Variants in NLRP11 observed in about 807,000 individuals in gnomAD.
NLRP11 encodes NACHT, LRR and PYD domains-containing protein 11.
Under a neutral mutation model 79.3 loss-of-function variants are expected in NLRP11, and 53 were observed. The ratio of observed to expected loss-of-function variants is 0.67; its 90% CI spans 0.54 to 0.84. NLRP11 has a LOEUF of 0.84. Ranked by LOEUF, NLRP11 falls within the 40% of genes least tolerant of loss-of-function variation. The pLI, the probability that NLRP11 is intolerant of heterozygous loss-of-function variation, is 0.00. For synonymous variants in NLRP11, 518 were observed against 462.6 expected (o/e 1.12, Z -1.54); for missense variants, 1,264 against 1,255.0 (o/e 1.01, Z -0.11).
chr19:55,835,974 A>G (rs1183492696), upstream of NLRP11, among the ~76,000 whole-genome samples: 1 of 152,236 alleles, frequency 6.6e-6, no homozygotes, highest in Non-Finnish European at 1.5e-5. Context: ...AAATACAAAA[A>G]TTAGCCGGGC....
rs769388626 is a variant in NLRP11, at chr19:55,809,902, G to A, written c.708C>T (p.Phe236=). 150 of 1,613,884 alleles carry A rather than the reference G, an allele frequency of 9.3e-5. No homozygotes were observed. The East Asian group carries it at 1.8e-3, about 19-fold the overall frequency. The change falls in exon 3 of 10, where the codon TTC becomes TTT. Residue 236 remains phenylalanine, a synonymous_variant. Transcript: ENST00000589093. The surrounding 1 kb of genome is among the most constrained non-coding windows in gnomAD (Gnocchi z 4.5). Reference sequence around the variant, plus strand: ...AAGCACTTTCATTGACATTTAACTCGAATCTTATGTTGTCCAAGTCCTCGA... The same window carrying A: ...AAGCACTTTCATTGACATTTAACTCAAATCTTATGTTGTCCAAGTCCTCGA...
chr19:55,831,028 C>G (rs1241968422), intron 1 of NLRP11, among the ~76,000 whole-genome samples: 1 of 151,502 alleles, frequency 6.6e-6, no homozygotes, highest in Non-Finnish European at 1.5e-5. Flanking sequence ...TCCAATCCCC[C>G]CTGTAAATTC....
At chr19:55,817,820 G>GGGA in intron 2 of NLRP11, 84 bp downstream of exon 2, 1 of 835,516 alleles carries the variant, frequency 1.2e-6, no homozygotes, top group Non-Finnish European at 1.8e-6. Context: ...AACCTATTTA[G>GGGA]AAAAAAAAAA....
At position 55,817,773 on chromosome 19, in the gene NLRP11, A is replaced by T. The variant is rs550640286; in HGVS notation, c.271+131T>A. 1.0e-4 allele frequency: 71 copies of T among 703,118 alleles called. No homozygotes were observed. The South Asian group carries it at 1.1e-3, about 11-fold the overall frequency. The allele number at this position is 703,118 out of a possible 1,614,324, so 43.6% of individuals were successfully genotyped here. A position where few individuals can be genotyped will look rare whatever the true frequency, so the allele number is the denominator to read the frequency against. On this transcript the variant is annotated intron_variant, in intron 2 of 9. Transcript: ENST00000589093. ...AAGTTTTAGAAATCACCACTAAAGA[A>T]CTTACTCATGTACTCAAATACCACC...
intron 1 of NLRP11, among the ~76,000 whole-genome samples, chr19:55,829,477 C>T (rs1982536598): frequency 6.6e-6 from 1 of 151,870 alleles, no homozygotes; most frequent in Admixed American, 6.6e-5. Context: ...CCTATCCTGG[C>T]TAACACAGTG....
intron 6 of NLRP11, among the ~76,000 whole-genome samples, chr19:55,792,739 C>T (rs1463451513): frequency 6.6e-6 from 1 of 152,226 alleles, no homozygotes; most frequent in Non-Finnish European, 1.5e-5. Context: ...GACGTTACTT[C>T]TGGAACTTGG....
intron 9 of NLRP11, 104 bp from the exon 10 acceptor site, chr19:55,785,975 G>A: frequency 1.6e-6 from 2 of 1,255,654 alleles, no homozygotes; most frequent in Non-Finnish European, 2.2e-6. Flanking sequence ...GGTATTCTTG[G>A]GAGTATCTCA....
intron 1 of NLRP11, among the ~76,000 whole-genome samples, chr19:55,820,394 G>C (rs1362915901): frequency 2.0e-5 from 3 of 152,174 alleles, no homozygotes; most frequent in African/African-American, 7.2e-5. Context: ...ATTGAGGTGG[G>C]AGGACAGATG....
At chr19:55,821,956 G>A (rs565674898) in intron 1 of NLRP11, among the ~76,000 whole-genome samples, 1 of 152,162 alleles carries the variant, frequency 6.6e-6, no homozygotes. Flanking sequence ...TGCTCATATG[G>A]TTAACAAGAT....
At chr19:55,789,080 G>C (rs1260709672) in intron 8 of NLRP11, 103 bp from the exon 9 acceptor site, 1 of 1,453,622 alleles carries the variant, frequency 6.9e-7, no homozygotes, top group Non-Finnish European at 9.5e-7. Flanking sequence ...CCAAGTTTTG[G>C]GCAAAAGAAC....
chr19:55,819,721 C>G (rs1433067931), intron 1 of NLRP11, among the ~76,000 whole-genome samples: 1 of 152,124 alleles, frequency 6.6e-6, no homozygotes, highest in Non-Finnish European at 1.5e-5. Context: ...TGCTCGATCT[C>G]TAACCATGAA....
intron 2 of NLRP11, among the ~76,000 whole-genome samples, chr19:55,816,987 A>G (rs913533162): frequency 1.3e-5 from 2 of 152,208 alleles, no homozygotes; most frequent in Non-Finnish European, 2.9e-5. Flanking sequence ...CAATTCCATC[A>G]ACAAGTGGAC....
intron 5 of NLRP11, 52 bp from the exon 6 acceptor site, chr19:55,796,302 C>A: frequency 2.1e-6 from 3 of 1,400,754 alleles, no homozygotes; most frequent in South Asian, 1.3e-5. Context: ...AAGCTATCCC[C>A]TCTTTTAAAT....
rs780891099 is a variant in NLRP11 at position 55,789,239 on chromosome 19, C to T, written c.2674G>A (p.Val892Met). The stretch of plus-strand genomic sequence containing the variant: ...CCACCAGGCACCTACCCAATATTCA[C>T]CAACATGCAGTTGGGATGTCTCAAA... The change falls in exon 8 of 10, where the codon GTG (valine) becomes ATG (methionine). Residue 892 changes from valine to methionine, a missense_variant. Physicochemically the swap from Val to Met is conservative, Grantham distance 21. Transcript: ENST00000589093. 1.9e-6 allele frequency: 3 copies of T among 1,610,740 alleles called. No individual in the cohort carries two copies. The East Asian group carries it at 6.7e-5, about 36-fold the overall frequency.
chr19:55,788,547 T>A (rs1990026058), intron 9 of NLRP11, among the ~76,000 whole-genome samples: 1 of 151,568 alleles, frequency 6.6e-6, no homozygotes, highest in East Asian at 1.9e-4. Context: ...GAGACCACCC[T>A]GGCCAACATG....
intron 1 of NLRP11, among the ~76,000 whole-genome samples, chr19:55,826,869 CCAT>C (rs1982281351): frequency 1.0e-5 from 1 of 95,514 alleles, no homozygotes; most frequent in South Asian, 3.9e-4. Flanking sequence ...AATGCCATCC[CCAT>C]CAAGCTACCA....
chr19:55,822,135 C>G (rs2616947), intron 1 of NLRP11, among the ~76,000 whole-genome samples: 47,552 of 151,966 alleles, frequency 0.31, 9,113 homozygotes, highest in African/African-American at 0.53. Flanking sequence ...GTGGTGGTGG[C>G]TACCTGTAAT....
At chr19:55,817,820 GAAAA>G in intron 2 of NLRP11, 80 bp downstream of exon 2, 222 of 834,322 alleles carry the variant, frequency 2.7e-4, no homozygotes, top group Non-Finnish European at 3.0e-4. Flanking sequence ...AACCTATTTA[GAAAA>G]AAAAAAAAAA....
chr19:55,805,175 C>G (rs1219786230), intron 4 of NLRP11, among the ~76,000 whole-genome samples: 1 of 152,168 alleles, frequency 6.6e-6, no homozygotes, highest in Non-Finnish European at 1.5e-5. Context: ...TCTCATTACT[C>G]CCTTGGAGTT....
Sources: gnomAD v4.1 joint callset for allele counts (sites outside exome capture counted in the v4.1 genomes callset) on GRCh38, gnomAD v4.1.1 for gene constraint, Gnocchi (gnomAD v3.1) non-coding constraint, MANE v1.5 for transcripts, NCBI Gene and HGNC (gene_info 2026-07-23, HGNC 2026-07-21) for gene names.